Variants in HNRNPA0 observed in about 807,000 individuals in gnomAD.
HNRNPA0 encodes hnRNA binding protein.
For missense variants in HNRNPA0, 252 were observed against 433.7 expected (o/e 0.58, Z 3.72); for synonymous variants, 243 against 195.5 (o/e 1.24, Z -2.03).
Position 137,754,295 on chromosome 5 carries a change from GACA to G in HNRNPA0, c.-232_-230del. The G allele has an allele frequency of 1.8e-6, 1 of 568,330 alleles. No homozygotes were observed. Among genetic ancestry groups the G allele is most frequent in the South Asian group, 2.7e-5 (1 of 36,908 alleles). 35.2% of individuals were successfully genotyped at this position (568,330 alleles called of 1,614,324 possible). A position where few individuals can be genotyped will look rare whatever the true frequency, so the allele number is the denominator to read the frequency against. Reference sequence around the variant, plus strand: ...AAAGGGCGAGCCGAGGAGACTGGAAGACAACCAAGGCCACCGCTACCGCCGCCG... The same window carrying G: ...AAAGGGCGAGCCGAGGAGACTGGAAGACCAAGGCCACCGCTACCGCCGCCG... On this transcript the variant is annotated 5_prime_UTR_variant, in exon 1 of 1. Transcript: ENST00000314940.
rs576326235 is a variant in HNRNPA0 at position 137,749,065 on chromosome 5, A to C, written c.*4084T>G. The C allele has an allele frequency of 1.3e-5, 2 of 152,310 alleles. No homozygotes were observed. Among genetic ancestry groups the C allele is most frequent in the Admixed American group, 1.3e-4 (2 of 15,306 alleles). 9.4% of individuals were successfully genotyped at this position (152,310 alleles called of 1,614,324 possible). On this transcript the variant is annotated 3_prime_UTR_variant, in exon 1 of 1. Transcript: ENST00000314940. ...AACCATGTTTGTCTCACTGCTGTGT[A>C]CCTCCACATTATAGAACTGTCTTAC...
Position 137,745,691 on chromosome 5 carries a change from A to G in HNRNPA0, c.*7458T>C, listed in dbSNP as rs959287527. 6.6e-6 allele frequency: 1 copy of G among 152,252 alleles called. No homozygotes were observed. Among genetic ancestry groups the G allele is most frequent in the Non-Finnish European group, 1.5e-5 (1 of 68,046 alleles). 9.4% of individuals were successfully genotyped at this position (152,252 alleles called of 1,614,324 possible). ...TAAAGTTTATTACAGTGACACAGTAAGTGTACACAGTTGGATCATACAGGA... is the reference window on the plus strand; with the variant it reads ...TAAAGTTTATTACAGTGACACAGTAGGTGTACACAGTTGGATCATACAGGA... On this transcript the variant is annotated 3_prime_UTR_variant, in exon 1 of 1. Transcript: ENST00000314940.
At position 137,753,513 on chromosome 5, in the gene HNRNPA0, C is replaced by T. The variant is rs1343451843; in HGVS notation, c.554G>A (p.Gly185Glu). The change falls in exon 1 of 1, where the codon GGA (glycine) becomes GAA (glutamate). Residue 185 changes from glycine (G) to glutamate (E), a missense_variant. Transcript: ENST00000314940. This position sits in a 1 kb window ranked among gnomAD's most constrained non-coding sequence, Gnocchi z 6.1. ...PKEDIYSGGG[G>E]GGSRSSRGGR... ...GCCCCGGGAGGATCGGGAGCCGCCT[C>T]CACCCCCACCGGAGTAGATATCCTC... 2 of 1,605,096 alleles carry T rather than the reference C, an allele frequency of 1.2e-6. No individual in the cohort carries two copies. The highest frequency in any genetic ancestry group is 3.4e-5 in the Admixed American group (2 of 58,744).
Position 137,753,486 on chromosome 5 carries a change from CCGCCCCGGG to C in HNRNPA0, c.572_580del (p.Ser191_Gly194delinsCys). Reference sequence around the variant, plus strand: ...ACCGCCGCGCCCCCGGCCGCCTCGGCCGCCCCGGGAGGATCGGGAGCCGCCTCCACCCCC... The same window carrying C: ...ACCGCCGCGCCCCCGGCCGCCTCGGCAGGATCGGGAGCCGCCTCCACCCCC... On this transcript the variant is annotated inframe_deletion, in exon 1 of 1. Transcript: ENST00000314940. This position sits in a 1 kb window ranked among gnomAD's most constrained non-coding sequence, Gnocchi z 6.1. The C allele has an allele frequency of 6.3e-7, 1 of 1,582,996 alleles. No individual in the cohort carries two copies. The highest frequency in any genetic ancestry group is 8.6e-7 in the Non-Finnish European group (1 of 1,164,292).
rs1346196713 is a variant in HNRNPA0, at chr5:137,753,131, G to C, written c.*18C>G. ...AGAGCTACCCCTATAGCCACTCCCA[G>C]GCATTTTAAATTTTCTTTTAGAAGG... On this transcript the variant is annotated 3_prime_UTR_variant, in exon 1 of 1. Coordinates refer to ENST00000314940, the MANE Select transcript of HNRNPA0 (RefSeq NM_006805.4). This position sits in a 1 kb window ranked among gnomAD's most constrained non-coding sequence, Gnocchi z 6.1. 8 of 1,605,764 alleles carry C rather than the reference G, an allele frequency of 5.0e-6. No individual in the cohort carries two copies. Among genetic ancestry groups the C allele is most frequent in the South Asian group, 1.1e-5 (1 of 90,024 alleles).
In HNRNPA0 at chr5:137,747,967, T is replaced by C. The variant is rs1282222374; in HGVS notation, c.*5182A>G. 3.3e-5 allele frequency: 5 copies of C among 152,202 alleles called. No homozygotes were observed. Among genetic ancestry groups the C allele is most frequent in the Admixed American group, 2.6e-4 (4 of 15,278 alleles). The allele number at this position is 152,202 out of a possible 1,614,324, so 9.4% of individuals were successfully genotyped here. A position where few individuals can be genotyped will look rare whatever the true frequency, so the allele number is the denominator to read the frequency against. On this transcript the variant is annotated 3_prime_UTR_variant, in exon 1 of 1. Transcript: ENST00000314940. ...ACAACTAGAATTGGTCAAACTTGGA[T>C]TCAACTCTCAGTTCTACCATGTCAC...
At position 137,753,376 on chromosome 5, in the gene HNRNPA0, A is replaced by AGCCGCCGCCTCC. The variant is rs770088368; in HGVS notation, c.679_690dup (p.Gly227_Gly230dup). 2 of 1,544,766 alleles carry AGCCGCCGCCTCC rather than the reference A, an allele frequency of 1.3e-6. No homozygotes were observed. On this transcript the variant is annotated inframe_insertion, in exon 1 of 1. Coordinates refer to ENST00000314940, the MANE Select transcript of HNRNPA0 (RefSeq NM_006805.4). This position sits in a 1 kb window ranked among gnomAD's most constrained non-coding sequence, Gnocchi z 6.1. ...CCGCCGCCGCCTCCGTAGGCATTGTAGCCGCCGCCTCCGCCGCCGCCGTAA... is the reference window on the plus strand; with the variant it reads ...CCGCCGCCGCCTCCGTAGGCATTGTAGCCGCCGCCTCCGCCGCCGCCTCCGCCGCCGCCGTAA...
rs774490786 is a variant in HNRNPA0 at position 137,753,897 on chromosome 5, T to C, written c.170A>G (p.Asn57Ser). 13 of 1,613,734 alleles carry C rather than the reference T, an allele frequency of 8.1e-6. No individual in the cohort carries two copies. Among genetic ancestry groups the C allele is most frequent in the Non-Finnish European group, 1.1e-5 (13 of 1,180,004 alleles). ...CATGGCGGCGTCCGCCTCCTCCACATTGGAGTAGGTCACGAAGCCAAAGCA... is the reference window on the plus strand; with the variant it reads ...CATGGCGGCGTCCGCCTCCTCCACACTGGAGTAGGTCACGAAGCCAAAGCA... Reference protein sequence around the residue: ...SRCFGFVTYSNVEEADAAMAA... With the variant: ...SRCFGFVTYSSVEEADAAMAA... Residue 57 changes from asparagine (N) to serine (S), a missense_variant, in exon 1 of 1, where the codon AAT becomes AGT. By Grantham distance (46) the Asn-to-Ser change is conservative. Coordinates refer to ENST00000314940, the MANE Select transcript of HNRNPA0 (RefSeq NM_006805.4). The surrounding 1 kb of genome is among the most constrained non-coding windows in gnomAD (Gnocchi z 6.1).
In HNRNPA0 at chr5:137,751,821, G is replaced by A. The variant is rs1341398752; in HGVS notation, c.*1328C>T. On this transcript the variant is annotated 3_prime_UTR_variant, in exon 1 of 1. Coordinates refer to ENST00000314940, the MANE Select transcript of HNRNPA0 (RefSeq NM_006805.4). ...TTCATTAGTTGTCATAGCAATTTAG[G>A]GCTATTGCCCAAGCTATGCATAGCA... is the stretch of plus-strand genomic sequence containing the variant. 1 of 152,544 alleles carries A rather than the reference G, an allele frequency of 6.6e-6. No homozygotes were observed. The highest frequency in any genetic ancestry group is 1.5e-5 in the Non-Finnish European group (1 of 68,014). 9.4% of individuals were successfully genotyped at this position (152,544 alleles called of 1,614,324 possible). A position where few individuals can be genotyped will look rare whatever the true frequency, so the allele number is the denominator to read the frequency against.
chr5:137,746,495 T>A lies in HNRNPA0; in HGVS notation c.*6654A>T, dbSNP rs1753411239. ...CCAGACACAGTCCTGCTTCAGGGCT[T>A]TTGCTCTTCCTAATCCTCTACCTAG... On this transcript the variant is annotated 3_prime_UTR_variant, in exon 1 of 1. Coordinates refer to ENST00000314940, the MANE Select transcript of HNRNPA0 (RefSeq NM_006805.4). 6.6e-6 allele frequency: 1 copy of A among 152,194 alleles called. No homozygotes were observed. Among genetic ancestry groups the A allele is most frequent in the African/African-American group, 2.4e-5 (1 of 41,430 alleles). The allele number at this position is 152,194 out of a possible 1,614,324, so 9.4% of individuals were successfully genotyped here. A position where few individuals can be genotyped will look rare whatever the true frequency, so the allele number is the denominator to read the frequency against.
In HNRNPA0 at chr5:137,751,769, A is replaced by G. The variant is rs1465005714; in HGVS notation, c.*1380T>C. On this transcript the variant is annotated 3_prime_UTR_variant, in exon 1 of 1. Coordinates refer to ENST00000314940, the MANE Select transcript of HNRNPA0 (RefSeq NM_006805.4). ...ACAGATATTTTGCTTTACAACTTGCACCTAAAATACCAGTATACGTAGCTG... is the reference window on the plus strand; with the variant it reads ...ACAGATATTTTGCTTTACAACTTGCGCCTAAAATACCAGTATACGTAGCTG... 1 of 152,644 alleles carries G rather than the reference A, an allele frequency of 6.6e-6. No individual in the cohort carries two copies. The highest frequency in any genetic ancestry group is 1.5e-5 in the Non-Finnish European group (1 of 68,032). 9.5% of individuals were successfully genotyped at this position (152,644 alleles called of 1,614,324 possible).
rs1395730442 is a variant in HNRNPA0 at position 137,746,716 on chromosome 5, T to C, written c.*6433A>G. On this transcript the variant is annotated 3_prime_UTR_variant, in exon 1 of 1. Transcript: ENST00000314940. ...TCTTCTAACATACCATATAATTGAT[T>C]ATGTCTTATTGCCTGTCTCTCCCCA... is the stretch of plus-strand genomic sequence containing the variant. The C allele has an allele frequency of 1.3e-5, 2 of 152,224 alleles. No homozygotes were observed. Among genetic ancestry groups the C allele is most frequent in the African/African-American group, 4.8e-5 (2 of 41,458 alleles). 9.4% of individuals were successfully genotyped at this position (152,224 alleles called of 1,614,324 possible). A position where few individuals can be genotyped will look rare whatever the true frequency, so the allele number is the denominator to read the frequency against.
Position 137,747,242 on chromosome 5 carries a change from A to G in HNRNPA0, c.*5907T>C, listed in dbSNP as rs1753421480. 6.6e-6 allele frequency: 1 copy of G among 152,238 alleles called. No homozygotes were observed. The highest frequency in any genetic ancestry group is 3.2e-3 in the Middle Eastern group (1 of 316). The allele number at this position is 152,238 out of a possible 1,614,324, so 9.4% of individuals were successfully genotyped here. ...CAGCCTCACTTTTCTATCACTGTCC[A>G]AACCCACCATGAATAAAGCCAGAAA... On this transcript the variant is annotated 3_prime_UTR_variant, in exon 1 of 1. Coordinates refer to ENST00000314940, the MANE Select transcript of HNRNPA0 (RefSeq NM_006805.4).
chr5:137,746,315 CAA>C lies in HNRNPA0; in HGVS notation c.*6832_*6833del, dbSNP rs1486778839. 1 of 152,180 alleles carries C rather than the reference CAA, an allele frequency of 6.6e-6. No homozygotes were observed. Among genetic ancestry groups the C allele is most frequent in the Non-Finnish European group, 1.5e-5 (1 of 68,022 alleles). 9.4% of individuals were successfully genotyped at this position (152,180 alleles called of 1,614,324 possible). ...AATCAGATCATGGAACTCCTCTGCT[CAA>C]AACTGAAATGGTTCACCATTCATTT... On this transcript the variant is annotated 3_prime_UTR_variant, in exon 1 of 1. Coordinates refer to ENST00000314940, the MANE Select transcript of HNRNPA0 (RefSeq NM_006805.4).
At position 137,753,253 on chromosome 5, in the gene HNRNPA0, C is replaced by T; in HGVS notation, c.814G>A (p.Gly272Ser). 1 of 1,609,068 alleles carries T rather than the reference C, an allele frequency of 6.2e-7. No individual in the cohort carries two copies. Among genetic ancestry groups the T allele is most frequent in the South Asian group, 1.1e-5 (1 of 90,884 alleles). ...CTACTGCCTCCACCGCCGCCGCCGCCGCCGCTCTTCATGGGCCCATAGGAG... is the reference window on the plus strand; with the variant it reads ...CTACTGCCTCCACCGCCGCCGCCGCTGCCGCTCTTCATGGGCCCATAGGAG... ...QSSYGPMKSGGGGGGGGSSWG... is the reference protein window; with the variant it reads ...QSSYGPMKSGSGGGGGGSSWG... Residue 272 changes from glycine (G) to serine (S), a missense_variant, in exon 1 of 1, where the codon GGC (glycine) becomes AGC (serine). Physicochemically the swap from Gly to Ser is moderately conservative, Grantham distance 56. Transcript: ENST00000314940. This position sits in a 1 kb window ranked among gnomAD's most constrained non-coding sequence, Gnocchi z 6.1.
rs1026989766 is a variant in HNRNPA0 at position 137,745,887 on chromosome 5, C to T, written c.*7262G>A. ...GGTCATATAGACATCCTTTACCTGG[C>T]ATGTACCAAAATTCCATACTCCCAG... is the stretch of plus-strand genomic sequence containing the variant. On this transcript the variant is annotated 3_prime_UTR_variant, in exon 1 of 1. Coordinates refer to ENST00000314940, the MANE Select transcript of HNRNPA0 (RefSeq NM_006805.4). 1.3e-5 allele frequency: 2 copies of T among 152,156 alleles called. No individual in the cohort carries two copies. The highest frequency in any genetic ancestry group is 6.5e-5 in the Admixed American group (1 of 15,272). The allele number at this position is 152,156 out of a possible 1,614,324, so 9.4% of individuals were successfully genotyped here. A position where few individuals can be genotyped will look rare whatever the true frequency, so the allele number is the denominator to read the frequency against.
chr5:137,752,993 AACACCCCC>A lies in HNRNPA0; in HGVS notation c.*148_*155del. 1 of 690,310 alleles carries A rather than the reference AACACCCCC, an allele frequency of 1.4e-6. No homozygotes were observed. The highest frequency in any genetic ancestry group is 2.3e-6 in the Non-Finnish European group (1 of 428,120). The allele number at this position is 690,310 out of a possible 1,614,324, so 42.8% of individuals were successfully genotyped here. On this transcript the variant is annotated 3_prime_UTR_variant, in exon 1 of 1. Coordinates refer to ENST00000314940, the MANE Select transcript of HNRNPA0 (RefSeq NM_006805.4). The stretch of plus-strand genomic sequence containing the variant: ...AAGAGAGGTGGCAGGCAAATAGAGG[AACACCCCC>A]AAGGGTAAGCAGCCTTAGAAGTGGC...
In HNRNPA0 at chr5:137,748,244, T is replaced by A. The variant is rs191423572; in HGVS notation, c.*4905A>T. The A allele has an allele frequency of 6.6e-6, 1 of 152,348 alleles. No individual in the cohort carries two copies. The highest frequency in any genetic ancestry group is 1.9e-4 in the East Asian group (1 of 5,190). 9.4% of individuals were successfully genotyped at this position (152,348 alleles called of 1,614,324 possible). On this transcript the variant is annotated 3_prime_UTR_variant, in exon 1 of 1. Coordinates refer to ENST00000314940, the MANE Select transcript of HNRNPA0 (RefSeq NM_006805.4). ...TGTTATATGCTCCACAATGCCTCTC[T>A]TGATCCTTCTTCCTACCTGAAGTCA...
In HNRNPA0 at chr5:137,752,921, C is replaced by G. The variant is rs1325768744; in HGVS notation, c.*228G>C. On this transcript the variant is annotated 3_prime_UTR_variant, in exon 1 of 1. Transcript: ENST00000314940. Reference sequence around the variant, plus strand: ...AAATAGAGTCCATCAATGACTGTAACACAAAAATGTGTATGTGGGGCCGAG... The same window carrying G: ...AAATAGAGTCCATCAATGACTGTAAGACAAAAATGTGTATGTGGGGCCGAG... 6.2e-6 allele frequency: 3 copies of G among 486,704 alleles called. No homozygotes were observed. Among genetic ancestry groups the G allele is most frequent in the Non-Finnish European group, 1.1e-5 (3 of 276,804 alleles). 30.1% of individuals were successfully genotyped at this position (486,704 alleles called of 1,614,324 possible). A position where few individuals can be genotyped will look rare whatever the true frequency, so the allele number is the denominator to read the frequency against.
Sources: allele counts gnomAD v4.1 joint callset, GRCh38; gene constraint gnomAD v4.1.1; non-coding constraint Gnocchi (gnomAD v3.1); transcripts MANE v1.5; gene names NCBI Gene and HGNC (gene_info 2026-07-23, HGNC 2026-07-21).